The following PTPRT variants were observed in gnomAD, a reference collection of about 807,000 sequenced individuals.
PTPRT encodes the protein receptor-type tyrosine-protein phosphatase T.
In PTPRT, 56 loss-of-function variants were observed where a neutral mutation model predicts 176.8. That is an observed-to-expected ratio of 0.32 (90% CI 0.26 to 0.40). The LOEUF (loss-of-function observed/expected upper bound fraction) is 0.40. Among genes scored for constraint, PTPRT ranks in the 10% least tolerant of loss-of-function variants. The pLI is 1.00. For missense variants in PTPRT, 1,540 were observed against 1,908.2 expected (o/e 0.81, Z 3.60); for synonymous variants, 783 against 739.0 (o/e 1.06, Z -0.96).
chr20:42,893,388 T>C (rs1282898653), intron 1 of PTPRT, among the ~76,000 whole-genome samples: 3 of 151,858 alleles, frequency 2.0e-5, no homozygotes, highest in Non-Finnish European at 4.4e-5. Flanking sequence ...TGTGGAGAAA[T>C]AGGAACACTT....
intron 1 of PTPRT, among the ~76,000 whole-genome samples, chr20:42,960,316 C>G (rs1461705660): frequency 6.6e-6 from 1 of 152,086 alleles, no homozygotes; most frequent in Non-Finnish European, 1.5e-5. Context: ...CTGGTGAGAG[C>G]CTGTTCTCTG....
chr20:42,954,782 T>A (rs1981515003), intron 1 of PTPRT, among the ~76,000 whole-genome samples: 1 of 152,116 alleles, frequency 6.6e-6, no homozygotes, highest in African/African-American at 2.4e-5. Context: ...AGGATTTAAA[T>A]GATGCTGGTC....
chr20:42,589,891 T>C (rs1199417143), intron 7 of PTPRT, among the ~76,000 whole-genome samples: 2 of 152,192 alleles, frequency 1.3e-5, no homozygotes, highest in East Asian at 1.9e-4. Flanking sequence ...AAGATGGTCA[T>C]GACCACGCCA....
intron 6 of PTPRT, among the ~76,000 whole-genome samples, chr20:42,710,603 G>A (rs8120378): frequency 0.095 from 14,460 of 152,322 alleles, 816 homozygotes; most frequent in South Asian, 0.16. Flanking sequence ...CTTCACTCTT[G>A]CACTCTGGCC....
At chr20:42,145,937 G>A (rs920234696) in intron 17 of PTPRT, among the ~76,000 whole-genome samples, 3 of 152,210 alleles carry the variant, frequency 2.0e-5, no homozygotes, top group African/African-American at 7.2e-5. Context: ...GGATAGGTAA[G>A]TGCTCATTTC....
intron 8 of PTPRT, among the ~76,000 whole-genome samples, chr20:42,465,193 T>G (rs2071083985): frequency 6.6e-6 from 1 of 152,128 alleles, no homozygotes; most frequent in Non-Finnish European, 1.5e-5. Context: ...ATTAAATGAA[T>G]CTACACTGCT....
chr20:42,123,853 A>G (rs1987712765), intron 19 of PTPRT, among the ~76,000 whole-genome samples: 1 of 152,174 alleles, frequency 6.6e-6, no homozygotes, highest in Non-Finnish European at 1.5e-5. Context: ...TCTCTGGCTT[A>G]CTTTTCGTTA....
intron 9 of PTPRT, among the ~76,000 whole-genome samples, chr20:42,381,414 G>T (rs1448899813): frequency 3.3e-5 from 5 of 152,110 alleles, no homozygotes; most frequent in Non-Finnish European, 7.3e-5. Context: ...GTTCAGCTTG[G>T]TGGCAGCTCC....
At chr20:43,111,401 G>T (rs66974118) in intron 1 of PTPRT, among the ~76,000 whole-genome samples, 1 of 151,830 alleles carries the variant, frequency 6.6e-6, no homozygotes, top group African/African-American at 2.4e-5. Context: ...AAAATTAGCC[G>T]GGCGTGGTGG....
intron 9 of PTPRT, among the ~76,000 whole-genome samples, chr20:42,363,253 G>A (rs1401813249): frequency 3.3e-5 from 4 of 120,386 alleles, no homozygotes; most frequent in African/African-American, 1.3e-4. Flanking sequence ...TCACATTCTT[G>A]CAGCAATTTA....
At chr20:42,609,096 C>G (rs148894555) in intron 7 of PTPRT, among the ~76,000 whole-genome samples, 43 of 152,218 alleles carry the variant, frequency 2.8e-4, no homozygotes, top group African/African-American at 1.0e-3. Context: ...ATTTTTGAGA[C>G]AGAGTCTCCT....
At chr20:42,351,941 C>G (rs984137161) in intron 10 of PTPRT, 143 bp downstream of exon 10, 1 of 711,064 alleles carries the variant, frequency 1.4e-6, no homozygotes. Flanking sequence ...TAGGAGACAA[C>G]AATGGTAACT....
chr20:42,709,961 G>T (rs2076120048), intron 6 of PTPRT, among the ~76,000 whole-genome samples: 1 of 152,198 alleles, frequency 6.6e-6, no homozygotes. Context: ...TCTGTGGAAG[G>T]TTGAACTTAA....
At chr20:42,765,672 A>G (rs2076972455) in intron 5 of PTPRT, among the ~76,000 whole-genome samples, 2 of 151,906 alleles carry the variant, frequency 1.3e-5, no homozygotes, top group South Asian at 4.1e-4. Flanking sequence ...GTGTCTATGT[A>G]TATACATATG....
chr20:42,641,819 C>T (rs2074760558), intron 7 of PTPRT, among the ~76,000 whole-genome samples: 3 of 152,106 alleles, frequency 2.0e-5, no homozygotes, highest in Admixed American at 2.0e-4. Context: ...CAGGCAAGAC[C>T]TGGTGTCGAC....
intron 2 of PTPRT, among the ~76,000 whole-genome samples, chr20:42,874,369 C>T (rs2078895787): frequency 6.6e-6 from 1 of 152,128 alleles, no homozygotes; most frequent in South Asian, 2.1e-4. Context: ...ATTCAACAAA[C>T]TGACAGGATC....
intron 1 of PTPRT, among the ~76,000 whole-genome samples, chr20:42,985,116 G>T (rs1338232007): frequency 6.6e-6 from 1 of 152,132 alleles, no homozygotes; most frequent in Non-Finnish European, 1.5e-5. Flanking sequence ...TGGGGGTCAG[G>T]ACTTTGAAGA....
chr20:42,578,757 C>T (rs1406429252), intron 7 of PTPRT, among the ~76,000 whole-genome samples: 5 of 152,166 alleles, frequency 3.3e-5, no homozygotes, highest in Non-Finnish European at 7.3e-5. Context: ...AGTCTATTCT[C>T]AGCTCTGTAG....
intron 15 of PTPRT, among the ~76,000 whole-genome samples, chr20:42,199,977 A>G (rs1008910134): frequency 2.0e-5 from 3 of 152,112 alleles, no homozygotes; most frequent in African/African-American, 7.2e-5. Flanking sequence ...TTATCATAAT[A>G]TAACTATTAT....
Sources: allele counts gnomAD v4.1 joint callset (sites outside exome capture counted in the v4.1 genomes callset), GRCh38; gene constraint gnomAD v4.1.1; transcripts MANE v1.5; gene names NCBI Gene and HGNC (gene_info 2026-07-23, HGNC 2026-07-21).